The following TET3 variants were observed in gnomAD, a reference collection of about 807,000 sequenced individuals.
TET3 encodes methylcytosine dioxygenase TET3.
In TET3, 19 loss-of-function variants were observed where a neutral mutation model predicts 141.4. The ratio of observed to expected loss-of-function variants is 0.13; its 90% CI spans 0.09 to 0.20. The LOEUF is 0.20. Ranked by LOEUF, TET3 falls within the 10% of genes least tolerant of loss-of-function variation. TET3 has a pLI of 1.00. For missense variants in TET3, 1,874 were observed against 2,356.9 expected (o/e 0.80, Z 4.24); for synonymous variants, 1,043 against 980.9 (o/e 1.06, Z -1.18).
intron 4 of TET3, among the ~76,000 whole-genome samples, chr2:74,066,822 C>T (rs1233273090): frequency 6.6e-6 from 1 of 152,128 alleles, no homozygotes; most frequent in Non-Finnish European, 1.5e-5. Context: ...TGAAAATTTC[C>T]TTTCTCTGTC....
chr2:74,036,324 C>G (rs1228001662), intron 3 of TET3, among the ~76,000 whole-genome samples: 1 of 152,128 alleles, frequency 6.6e-6, no homozygotes, highest in Non-Finnish European at 1.5e-5. Flanking sequence ...TTGTGATCTT[C>G]TTTTGTATTT....
In TET3 at chr2:74,104,691, T is replaced by C. The variant is rs1357615962; in HGVS notation, c.*2515T>C. On this transcript the variant is annotated 3_prime_UTR_variant, in exon 12 of 12. Transcript: ENST00000409262. ...ACTTGGCATGTGTGAATCTTCCTGA[T>C]GTATGTTAAATAAACTCTTCCCCTC... The C allele has an allele frequency of 6.5e-6, 1 of 153,170 alleles. No individual in the cohort carries two copies. The highest frequency in any genetic ancestry group is 1.5e-5 in the Non-Finnish European group (1 of 68,758). 9.5% of individuals were successfully genotyped at this position (153,170 alleles called of 1,614,324 possible).
intron 3 of TET3, among the ~76,000 whole-genome samples, chr2:74,014,077 A>G (rs1195928814): frequency 2.6e-5 from 4 of 151,132 alleles, no homozygotes; most frequent in Non-Finnish European, 5.9e-5. Context: ...CTGGAGTTTT[A>G]TGTAATTTAA....
chr2:74,015,759 G>C (rs1300210369), intron 3 of TET3, among the ~76,000 whole-genome samples: 1 of 151,968 alleles, frequency 6.6e-6, no homozygotes, highest in Non-Finnish European at 1.5e-5. Context: ...AATTTTAATT[G>C]ACATTACCAA....
At position 74,103,271 on chromosome 2, in the gene TET3, G is replaced by C. The variant is rs568904299; in HGVS notation, c.*1095G>C. The C allele has an allele frequency of 6.6e-6, 1 of 152,592 alleles. No individual in the cohort carries two copies. Among genetic ancestry groups the C allele is most frequent in the Admixed American group, 6.5e-5 (1 of 15,272 alleles). 9.5% of individuals were successfully genotyped at this position (152,592 alleles called of 1,614,324 possible). ...TGGTGCTCTGTGCATGGTGCTGTGC[G>C]GAGCCTGGTGCTGTAGTGTTGTGCT... On this transcript the variant is annotated 3_prime_UTR_variant, in exon 12 of 12. Coordinates refer to ENST00000409262, the MANE Select transcript of TET3 (RefSeq NM_001287491.2).
At chr2:74,131,405 T>G in the TET3 span, among the ~76,000 whole-genome samples, 1 of 152,166 alleles carries the variant, frequency 6.6e-6, no homozygotes, top group African/African-American at 2.4e-5. Flanking sequence ...GGTCATTCAC[T>G]CACCTTTCCC....
the TET3 span, among the ~76,000 whole-genome samples, chr2:74,132,147 C>G: frequency 6.6e-6 from 1 of 152,260 alleles, no homozygotes; most frequent in South Asian, 2.1e-4. Flanking sequence ...ATAGAACCCC[C>G]TCTTCTTTTG....
rs564020624 is a variant in TET3, at chr2:74,003,943, G to A, written c.360+777G>A. ...AGGAAACCACAGATATTCCTCCCAC[G>A]TTGGCATGGACCCGATCAGTAGGTT... On this transcript the variant is annotated intron_variant, in intron 3 of 11. Coordinates refer to ENST00000409262, the MANE Select transcript of TET3 (RefSeq NM_001287491.2). Among the ~76,000 whole-genome samples the A allele has an allele frequency of 3.3e-5, 5 of 152,198 alleles. No individual in the cohort carries two copies. In the East Asian group the frequency reaches 7.7e-4, roughly 24 times the overall value.
chr2:74,054,296 G>A (rs1478957133), intron 4 of TET3, among the ~76,000 whole-genome samples: 1 of 151,384 alleles, frequency 6.6e-6, no homozygotes, highest in African/African-American at 2.5e-5. Flanking sequence ...AAAGGAGGAG[G>A]GGAGGGGGCA....
chr2:74,001,097 C>T lies in TET3; in HGVS notation c.304-2013C>T, dbSNP rs80092287. The stretch of plus-strand genomic sequence containing the variant: ...TTCCACCTGAGCTGTGCTTAGGACA[C>T]TGTTCCTTGTCATGCTTTGCCACCT... On this transcript the variant is annotated intron_variant, in intron 2 of 11. Transcript: ENST00000409262. Among the ~76,000 whole-genome samples the T allele has an allele frequency of 8.9e-3, 1,362 of 152,276 alleles. 27 individuals are homozygous for T. The highest frequency in any genetic ancestry group is 0.031 in the African/African-American group (1,292 of 41,532).
intron 3 of TET3, among the ~76,000 whole-genome samples, chr2:74,012,779 T>C (rs1261966051): frequency 6.6e-6 from 1 of 152,232 alleles, no homozygotes; most frequent in Non-Finnish European, 1.5e-5. Context: ...AGTGTGGGTA[T>C]TGCTGATTGT....
At chr2:74,126,151 C>T in the TET3 span, among the ~76,000 whole-genome samples, 1 of 151,722 alleles carries the variant, frequency 6.6e-6, no homozygotes, top group Non-Finnish European at 1.5e-5. Context: ...TATTTGATCC[C>T]ATAGAGCCAA....
At chr2:74,049,391 A>G (rs1254729987) in intron 4 of TET3, among the ~76,000 whole-genome samples, 1 of 152,106 alleles carries the variant, frequency 6.6e-6, no homozygotes, top group Non-Finnish European at 1.5e-5. Flanking sequence ...GTCCACTTCT[A>G]AGCCTTGCCT....
At chr2:74,057,003 G>A (rs1270706101) in intron 4 of TET3, among the ~76,000 whole-genome samples, 1 of 152,168 alleles carries the variant, frequency 6.6e-6, no homozygotes, top group Admixed American at 6.5e-5. Context: ...TGCAGGCAGA[G>A]CATGTTCCCC....
intron 2 of TET3, chr2:74,002,848 G>T (rs113023108): frequency 0.1 from 58,520 of 570,908 alleles, 3,502 homozygotes; most frequent in Admixed American, 0.14. Flanking sequence ...CGGGCCGGGG[G>T]TCGCCGTCCT....
chr2:74,078,160 T>C (rs189814546), intron 5 of TET3, among the ~76,000 whole-genome samples: 183 of 152,322 alleles, frequency 1.2e-3, no homozygotes, highest in African/African-American at 4.1e-3. Flanking sequence ...AAAAAAATGT[T>C]TGTGGCCTGA....
At chr2:74,010,424 ACAGCCACCACCGGCACAGGCAGGAC>A (rs1386372237) in intron 3 of TET3, among the ~76,000 whole-genome samples, 1 of 152,196 alleles carries the variant, frequency 6.6e-6, no homozygotes, top group East Asian at 1.9e-4. Context: ...TCCCACCCCC[ACAGCCACCACCGGCACAGGCAGGAC>A]CATGCTTCAA....
the TET3 span, chr2:74,135,319 C>A: frequency 2.0e-6 from 1 of 494,232 alleles, no homozygotes; most frequent in Non-Finnish European, 3.4e-6. Flanking sequence ...GCTGGCACTG[C>A]ATTCTCTCTC....
At chr2:73,984,683 C>T (rs1683903557), upstream of TET3, among the ~76,000 whole-genome samples, 1 of 151,670 alleles carries the variant, frequency 6.6e-6, no homozygotes, top group Non-Finnish European at 1.5e-5. This position sits in a 1 kb window ranked among gnomAD's most constrained non-coding sequence, Gnocchi z 5.6. Context: ...GGGCCGACCG[C>T]GTGGGTGGGA....
Sources: gnomAD v4.1 joint callset for allele counts (sites outside exome capture counted in the v4.1 genomes callset) on GRCh38, gnomAD v4.1.1 for gene constraint, Gnocchi (gnomAD v3.1) non-coding constraint, MANE v1.5 for transcripts, NCBI Gene and HGNC (gene_info 2026-07-23, HGNC 2026-07-21) for gene names.